TMEM132D: variants seen among roughly 807,000 people sequenced by gnomAD.
TMEM132D encodes the protein transmembrane protein 132D.
A neutral mutation model predicts 62.3 loss-of-function variants in TMEM132D; 21 were observed. That is an observed-to-expected ratio of 0.34 (90% CI 0.24 to 0.49). TMEM132D has a LOEUF of 0.49. Ranked by LOEUF, TMEM132D falls within the 20% of genes least tolerant of loss-of-function variation. The pLI is 0.99. For synonymous variants in TMEM132D, 621 were observed against 575.6 expected (o/e 1.08, Z -1.13); for missense variants, 1,346 against 1,402.8 (o/e 0.96, Z 0.65).
In TMEM132D at chr12:129,287,782, A is replaced by G. The variant is rs140218929; in HGVS notation, c.1299+49852T>C. On this transcript the variant is annotated intron_variant, in intron 4 of 8. Transcript: ENST00000422113. The stretch of plus-strand genomic sequence containing the variant: ...TTGTGTGTGGCTATCTACTTTCCCT[A>G]GCACCATTTGGTGAAGAGACTATCC... Among the ~76,000 whole-genome samples the G allele has an allele frequency of 1.5e-3, 222 of 152,280 alleles. 1 individual carries two copies. The highest frequency in any genetic ancestry group is 2.1e-3 in the Admixed American group (32 of 15,290).
At chr12:129,698,538 A>G (rs1385407706) in intron 2 of TMEM132D, among the ~76,000 whole-genome samples, 1 of 19,336 alleles carries the variant, frequency 5.2e-5, no homozygotes. Flanking sequence ...GGAGAGGGGA[A>G]GGGAGGGGAG....
chr12:129,122,243 CT>C (rs1876088859), intron 5 of TMEM132D, among the ~76,000 whole-genome samples: 1 of 152,188 alleles, frequency 6.6e-6, no homozygotes, highest in Admixed American at 6.5e-5. Context: ...TGAATGTGTA[CT>C]GCTCATCTCT....
intron 4 of TMEM132D, among the ~76,000 whole-genome samples, chr12:129,227,057 T>G (rs1229918005): frequency 6.6e-6 from 1 of 152,090 alleles, no homozygotes; most frequent in Non-Finnish European, 1.5e-5. Flanking sequence ...GATTAGGCAG[T>G]GCTACTGAAA....
intron 2 of TMEM132D, among the ~76,000 whole-genome samples, chr12:129,565,215 G>C (rs888022379): frequency 2.0e-5 from 3 of 152,218 alleles, no homozygotes; most frequent in Non-Finnish European, 1.5e-5. Flanking sequence ...AGGTGCATCA[G>C]CTGACAGTAA....
At chr12:129,499,099 G>A (rs576781859) in intron 3 of TMEM132D, among the ~76,000 whole-genome samples, 1 of 152,264 alleles carries the variant, frequency 6.6e-6, no homozygotes, top group East Asian at 1.9e-4. Context: ...ACTAGTATAG[G>A]AAGAGAAAAA....
chr12:129,644,401 C>T (rs1282967424), intron 2 of TMEM132D, among the ~76,000 whole-genome samples: 1 of 152,150 alleles, frequency 6.6e-6, no homozygotes, highest in Non-Finnish European at 1.5e-5. Flanking sequence ...ATGACAGCCT[C>T]ACTGTGGCCA....
intron 7 of TMEM132D, among the ~76,000 whole-genome samples, chr12:129,079,645 A>G (rs1289669508): frequency 6.6e-6 from 1 of 152,116 alleles, no homozygotes; most frequent in African/African-American, 2.4e-5. Flanking sequence ...GGTGATATTT[A>G]TGATGTAGGT....
intron 2 of TMEM132D, among the ~76,000 whole-genome samples, chr12:129,673,931 G>A (rs1880567434): frequency 1.3e-5 from 2 of 152,062 alleles, no homozygotes; most frequent in Non-Finnish European, 2.9e-5. Flanking sequence ...GGTGACACGG[G>A]TAGGAAAAAA....
chr12:129,354,730 C>A (rs1593348638), intron 3 of TMEM132D, among the ~76,000 whole-genome samples: 1 of 152,242 alleles, frequency 6.6e-6, no homozygotes, highest in East Asian at 1.9e-4. Context: ...TTATTACTCC[C>A]AGTTTCCAGG....
At chr12:129,517,015 A>T (rs1036194562) in intron 3 of TMEM132D, among the ~76,000 whole-genome samples, 16 of 152,030 alleles carry the variant, frequency 1.1e-4, no homozygotes, top group Non-Finnish European at 1.6e-4. Context: ...CTCCTCTGTA[A>T]TTACATGGGA....
chr12:129,541,746 C>A (rs11060421), intron 2 of TMEM132D, among the ~76,000 whole-genome samples: 1 of 152,108 alleles, frequency 6.6e-6, no homozygotes, highest in Non-Finnish European at 1.5e-5. Flanking sequence ...ACCAGAGTCC[C>A]GCTCCTGTTG....
intron 2 of TMEM132D, among the ~76,000 whole-genome samples, chr12:129,634,224 C>A (rs1879420910): frequency 6.6e-6 from 1 of 151,980 alleles, no homozygotes; most frequent in Non-Finnish European, 1.5e-5. Flanking sequence ...TGTAATCTCA[C>A]CACTTTTGGA....
At position 129,797,178 on chromosome 12, in the gene TMEM132D, T is replaced by G. The variant is rs73429398; in HGVS notation, c.80-96480A>C. ...CCCAGGCATCGCGGGAGGGTGGCAA[T>G]GGCTTCTGAGGACACTGTCTTGCTG... On this transcript the variant is annotated intron_variant, in intron 1 of 8. Transcript: ENST00000422113. Among the ~76,000 whole-genome samples the G allele has an allele frequency of 3.9e-3, 597 of 152,296 alleles. 4 individuals carry two copies. Among genetic ancestry groups the G allele is most frequent in the African/African-American group, 0.014 (574 of 41,566 alleles).
At chr12:129,863,991 C>T (rs1016168584) in intron 1 of TMEM132D, among the ~76,000 whole-genome samples, 5 of 152,100 alleles carry the variant, frequency 3.3e-5, no homozygotes, top group Non-Finnish European at 5.9e-5. Context: ...AGCCCAATTG[C>T]GCTACCACTA....
intron 1 of TMEM132D, among the ~76,000 whole-genome samples, chr12:129,729,374 T>A (rs1489925813): frequency 6.6e-6 from 1 of 152,196 alleles, no homozygotes; most frequent in Non-Finnish European, 1.5e-5. Flanking sequence ...ACAGTACTGT[T>A]CTATGCATTG....
intron 3 of TMEM132D, among the ~76,000 whole-genome samples, chr12:129,429,242 G>A (rs1872582993): frequency 6.6e-6 from 1 of 152,254 alleles, no homozygotes; most frequent in African/African-American, 2.4e-5. Flanking sequence ...TGCACTTGAT[G>A]GGAAGAGCCT....
At chr12:129,183,138 C>T (rs958285109) in intron 5 of TMEM132D, among the ~76,000 whole-genome samples, 11 of 152,308 alleles carry the variant, frequency 7.2e-5, no homozygotes, top group South Asian at 6.2e-4. Flanking sequence ...CTGACCAAAG[C>T]GGGCCAGGCC....
At chr12:129,538,340 T>C (rs1162863360) in intron 2 of TMEM132D, among the ~76,000 whole-genome samples, 1 of 152,212 alleles carries the variant, frequency 6.6e-6, no homozygotes, top group Non-Finnish European at 1.5e-5. Flanking sequence ...GGCTGCCATA[T>C]GGCCATGCAA....
intron 1 of TMEM132D, among the ~76,000 whole-genome samples, chr12:129,725,772 A>AG (rs2137248081): frequency 6.6e-6 from 1 of 152,354 alleles, no homozygotes; most frequent in East Asian, 1.9e-4. Context: ...AGAAAAGTTA[A>AG]CACAGCAGAC....
Sources: allele counts gnomAD v4.1 joint callset (sites outside exome capture counted in the v4.1 genomes callset), GRCh38; gene constraint gnomAD v4.1.1; transcripts MANE v1.5; gene names NCBI Gene and HGNC (gene_info 2026-07-23, HGNC 2026-07-21).